Variants in ACOT11 observed in about 807,000 individuals in gnomAD.
ACOT11 encodes acyl-coenzyme A thioesterase 11.
A neutral mutation model predicts 77.5 loss-of-function variants in ACOT11; 69 were observed. That is an observed-to-expected ratio of 0.89 (90% confidence interval 0.73 to 1.09). The LOEUF (loss-of-function observed/expected upper bound fraction) is 1.09, where lower values mean the gene tolerates loss of function less well. ACOT11 is among the 50% of genes least tolerant of loss of function. ACOT11 has a pLI of 0.00. For synonymous variants in ACOT11, 279 were observed against 313.0 expected (o/e 0.89, Z 1.15); for missense variants, 766 against 813.7 (o/e 0.94, Z 0.71).
intron 11 of ACOT11, 129 bp from the exon 12 acceptor site, chr1:54,604,217 C>T: frequency 1.2e-6 from 1 of 814,518 alleles, no homozygotes; most frequent in South Asian, 1.7e-5. Flanking sequence ...TCCACAGCAC[C>T]TGCCGCACCA....
chr1:54,599,442 C>T lies in ACOT11; in HGVS notation c.884+27C>T, dbSNP rs190005164. On this transcript the variant is annotated intron_variant, in intron 8 of 15. Coordinates refer to ENST00000343744, the MANE Select transcript of ACOT11 (RefSeq NM_147161.4). ...TGAGGGTCTGGGATGGGTGCGGCCA[C>T]GTCCATTCAGGGCTGAGGGCTCTTC... 2.0e-4 allele frequency: 323 copies of T among 1,583,526 alleles called. 1 individual carries two copies. The highest frequency in any genetic ancestry group is 3.8e-4 in the African/African-American group (28 of 74,332).
chr1:54,619,946 G>A (rs1381507581), intron 15 of ACOT11: 2 of 1,614,034 alleles, frequency 1.2e-6, no homozygotes, highest in East Asian at 2.2e-5. Flanking sequence ...GGCTGATCTG[G>A]CCCAGGCTCA....
chr1:54,590,101 C>CA (rs1557658706), intron 3 of ACOT11, among the ~76,000 whole-genome samples: 6 of 149,322 alleles, frequency 4.0e-5, no homozygotes, highest in Non-Finnish European at 5.9e-5. Flanking sequence ...AAAAAAAAAA[C>CA]AAAAAAACCC....
At chr1:54,564,271 GAAAA>G (rs1180067921) in intron 1 of ACOT11, among the ~76,000 whole-genome samples, 1 of 152,028 alleles carries the variant, frequency 6.6e-6, no homozygotes, top group African/African-American at 2.4e-5. Flanking sequence ...AATAAAAAAA[GAAAA>G]AAAGAAAGAA....
Position 54,610,030 on chromosome 1 carries a change from T to C in ACOT11, c.*918T>C, listed in dbSNP as rs1644099261. The C allele has an allele frequency of 1.4e-6, 2 of 1,480,080 alleles. No individual in the cohort carries two copies. The highest frequency in any genetic ancestry group is 2.3e-5 in the Admixed American group (1 of 43,452). 91.7% of individuals were successfully genotyped at this position (1,480,080 alleles called of 1,614,324 possible). A position where few individuals can be genotyped will look rare whatever the true frequency, so the allele number is the denominator to read the frequency against. ...CTTGTTAAAGGGGCAGTGGGAGTTA[T>C]GGGGTCATCAAGGACCTTGCCTCTC... On this transcript the variant is annotated 3_prime_UTR_variant, in exon 16 of 16. Transcript: ENST00000343744.
At chr1:54,583,995 A>G (rs568724535) in intron 1 of ACOT11, among the ~76,000 whole-genome samples, 2 of 152,208 alleles carry the variant, frequency 1.3e-5, no homozygotes, top group East Asian at 1.9e-4. Flanking sequence ...CAGAAACCCC[A>G]GCTCTAATTC....
intron 7 of ACOT11, among the ~76,000 whole-genome samples, 175 bp from the exon 8 acceptor site, chr1:54,599,121 G>A (rs1322853273): frequency 8.9e-6 from 1 of 112,028 alleles, no homozygotes; most frequent in Non-Finnish European, 1.7e-5. Flanking sequence ...ACTCCAGCCT[G>A]GGCAACAAGA....
At chr1:54,624,306 T>C (rs1194663881) in intron 15 of ACOT11, among the ~76,000 whole-genome samples, 4 of 151,312 alleles carry the variant, frequency 2.6e-5, no homozygotes, top group African/African-American at 9.7e-5. Context: ...GTGGCTTTGA[T>C]TGTGTGTGTG....
downstream of ACOT11, chr1:54,614,939 G>GGTGAGT: frequency 8.3e-7 from 1 of 1,210,050 alleles, no homozygotes; most frequent in Non-Finnish European, 1.2e-6. Context: ...AAGCAGAGCG[G>GGTGAGT]GTGTGTGTGT....
At chr1:54,629,928 C>G (rs1644290845) in intron 15 of ACOT11, among the ~76,000 whole-genome samples, 1 of 133,812 alleles carries the variant, frequency 7.5e-6, no homozygotes, top group African/African-American at 2.5e-5. Flanking sequence ...GAGACGGAGT[C>G]TTGCTCTGTC....
intron 1 of ACOT11, among the ~76,000 whole-genome samples, chr1:54,581,726 C>T (rs1442377326): frequency 2.0e-5 from 3 of 152,148 alleles, no homozygotes; most frequent in Non-Finnish European, 4.4e-5. Context: ...TCTCTTGGCT[C>T]GGCCTGCCTG....
In ACOT11 at chr1:54,601,117, AT is replaced by A; in HGVS notation, c.885-151del. 8.8e-5 allele frequency: 22 copies of A among 249,516 alleles called. 9 individuals are homozygous for A. Among genetic ancestry groups the A allele is most frequent in the Non-Finnish European group, 1.4e-4 (17 of 124,360 alleles). The allele number at this position is 249,516 out of a possible 1,614,324, so 15.5% of individuals were successfully genotyped here. A position where few individuals can be genotyped will look rare whatever the true frequency, so the allele number is the denominator to read the frequency against. Reference sequence around the variant, plus strand: ...CATGTGTGTGTATGTGTGTGCATACATGTGTGTGTATGTGTGTGCATACGTG... The same window carrying A: ...CATGTGTGTGTATGTGTGTGCATACAGTGTGTGTATGTGTGTGCATACGTG... On this transcript the variant is annotated intron_variant, in intron 8 of 15. Coordinates refer to ENST00000343744, the MANE Select transcript of ACOT11 (RefSeq NM_147161.4).
In ACOT11 at chr1:54,609,772, G is replaced by A. The variant is rs143234129; in HGVS notation, c.*660G>A. On this transcript the variant is annotated 3_prime_UTR_variant, in exon 16 of 16. Coordinates refer to ENST00000343744, the MANE Select transcript of ACOT11 (RefSeq NM_147161.4). ...AGGCCAGGGATGGCCGGAGGGCTGCGGGCTCCGCTATTTGCAAATGGATGC... is the reference window on the plus strand; with the variant it reads ...AGGCCAGGGATGGCCGGAGGGCTGCAGGCTCCGCTATTTGCAAATGGATGC... 64 of 1,614,024 alleles carry A rather than the reference G, an allele frequency of 4.0e-5. No individual in the cohort carries two copies. The highest frequency in any genetic ancestry group is 4.8e-5 in the Non-Finnish European group (57 of 1,180,024).
chr1:54,583,609 C>G (rs1654396224), intron 1 of ACOT11, among the ~76,000 whole-genome samples: 1 of 152,188 alleles, frequency 6.6e-6, no homozygotes, highest in Non-Finnish European at 1.5e-5. Context: ...GGAGTCACAG[C>G]TGAGCTTTGT....
exon 16 of ACOT11, chr1:54,630,818 C>T (rs780923132): frequency 6.0e-5 from 46 of 769,542 alleles, no homozygotes; most frequent in Non-Finnish European, 8.9e-5. Flanking sequence ...GTCAAAGGGT[C>T]GCAGGAGCGA....
chr1:54,567,349 G>A (rs546495150), intron 1 of ACOT11, among the ~76,000 whole-genome samples: 120 of 151,334 alleles, frequency 7.9e-4, no homozygotes, highest in African/African-American at 2.8e-3. Flanking sequence ...CGCGATCTAG[G>A]CTCACTGCAA....
intron 15 of ACOT11, chr1:54,623,696 C>T (rs1412496380): frequency 1.5e-5 from 4 of 263,504 alleles, no homozygotes; most frequent in Non-Finnish European, 2.9e-5. Context: ...TTGGACCGAG[C>T]CCCGACCCCT....
exon 17 of ACOT11, chr1:54,636,009 G>C (rs927737731): frequency 6.6e-6 from 1 of 152,270 alleles, no homozygotes; most frequent in Non-Finnish European, 1.5e-5. Context: ...TGTGTCTTAC[G>C]GGTGTGTTCC....
At chr1:54,618,219 C>G (rs953903169) in intron 15 of ACOT11, among the ~76,000 whole-genome samples, 4 of 152,144 alleles carry the variant, frequency 2.6e-5, no homozygotes, top group Admixed American at 1.3e-4. Flanking sequence ...AAATCACCTC[C>G]TCAGCCGGGC....
Sources: allele counts gnomAD v4.1 joint callset (sites outside exome capture counted in the v4.1 genomes callset), GRCh38; gene constraint gnomAD v4.1.1; transcripts MANE v1.5; gene names NCBI Gene and HGNC (gene_info 2026-07-23, HGNC 2026-07-21).